NCALD: variants seen among roughly 807,000 people sequenced by gnomAD.
NCALD encodes the protein neurocalcin-delta.
In NCALD, 10 loss-of-function variants were observed where a neutral mutation model predicts 18.6. The observed-to-expected ratio is 0.54, with a 90% CI of 0.33 to 0.91. The LOEUF (loss-of-function observed/expected upper bound fraction) is 0.91, where lower values mean the gene tolerates loss of function less well. NCALD is among the 40% of genes least tolerant of loss of function. The probability of loss-of-function intolerance (pLI) is 0.03; values close to 1 mark genes in which losing one functional copy is unlikely to be tolerated. For synonymous variants in NCALD, 88 were observed against 87.4 expected (o/e 1.01, Z -0.04); for missense variants, 184 against 247.6 (o/e 0.74, Z 1.72).
intron 4 of NCALD, among the ~76,000 whole-genome samples, chr8:101,861,546 T>C (rs1815542455): frequency 2.7e-5 from 4 of 150,876 alleles, no homozygotes; most frequent in Admixed American, 1.3e-4. Context: ...ATATGTGATA[T>C]TAAAAAAAAA....
At chr8:101,694,416 T>C (rs1471444056) in intron 2 of NCALD, 4 of 152,164 alleles carry the variant, frequency 2.6e-5, no homozygotes, top group Non-Finnish European at 5.9e-5. Flanking sequence ...GGGTAAGTAC[T>C]CTAATCTCAG....
intron 4 of NCALD, among the ~76,000 whole-genome samples, chr8:101,807,221 T>G (rs984549790): frequency 5.9e-5 from 9 of 152,140 alleles, no homozygotes; most frequent in African/African-American, 2.2e-4. Flanking sequence ...AAGGTAATTG[T>G]GTAATTATAA....
chr8:101,890,002 G>A (rs192979048), intron 3 of NCALD, among the ~76,000 whole-genome samples: 7 of 152,288 alleles, frequency 4.6e-5, no homozygotes, highest in African/African-American at 1.4e-4. Flanking sequence ...TAAAAGGAAG[G>A]CAAAGTTGAT....
At chr8:101,738,627 C>T (rs888878203) in intron 1 of NCALD, among the ~76,000 whole-genome samples, 8 of 150,588 alleles carry the variant, frequency 5.3e-5, no homozygotes, top group East Asian at 1.9e-4. Context: ...CGCCAAAAAA[C>T]GCTATCTGCG....
intron 1 of NCALD, among the ~76,000 whole-genome samples, chr8:101,763,625 G>T (rs1269102797): frequency 1.3e-5 from 2 of 152,132 alleles, no homozygotes; most frequent in African/African-American, 4.8e-5. Flanking sequence ...TACCATTTGA[G>T]TCAGCAGACT....
intron 1 of NCALD, 73 bp from the exon 2 acceptor site, chr8:101,719,721 G>T: frequency 7.3e-7 from 1 of 1,367,612 alleles, no homozygotes; most frequent in Non-Finnish European, 9.8e-7. Flanking sequence ...ATTTGTAATT[G>T]TTCCTTTGGG....
intron 2 of NCALD, among the ~76,000 whole-genome samples, chr8:101,955,825 A>T (rs1215572366): frequency 6.6e-6 from 1 of 152,222 alleles, no homozygotes; most frequent in Non-Finnish European, 1.5e-5. Context: ...TGTAGCTTAG[A>T]TACTAGTATT....
chr8:102,103,055 C>A (rs1006651453), intron 1 of NCALD, among the ~76,000 whole-genome samples: 1 of 152,140 alleles, frequency 6.6e-6, no homozygotes, highest in Admixed American at 6.6e-5. Context: ...AGATATGCTT[C>A]TCTTGGGTTT....
Position 101,688,882 on chromosome 8 carries a change from A to T in NCALD, c.*427T>A. 3 of 624,444 alleles carry T rather than the reference A, an allele frequency of 4.8e-6. No individual in the cohort carries two copies. The highest frequency in any genetic ancestry group is 3.7e-5 in the South Asian group (2 of 54,070). The allele number at this position is 624,444 out of a possible 1,614,324, so 38.7% of individuals were successfully genotyped here. ...AATCCAGCATCCGGTGCCATCCATC[A>T]CCCCTACGGCACGTGTGACAACAGA... On this transcript the variant is annotated 3_prime_UTR_variant, in exon 4 of 4. Transcript: ENST00000220931.
chr8:101,870,558 T>C (rs1430483036), intron 4 of NCALD, among the ~76,000 whole-genome samples: 2 of 152,206 alleles, frequency 1.3e-5, no homozygotes, highest in Non-Finnish European at 2.9e-5. Flanking sequence ...AAGTGGGCTG[T>C]GAAACACTTT....
At chr8:101,844,482 CCT>C (rs1367272602) in intron 4 of NCALD, among the ~76,000 whole-genome samples, 3 of 152,146 alleles carry the variant, frequency 2.0e-5, no homozygotes, top group African/African-American at 7.2e-5. Flanking sequence ...CTCATTTTCC[CCT>C]GAGTAGCTGA....
chr8:101,843,445 TGCACACACAC>T (rs1256987108), intron 4 of NCALD, among the ~76,000 whole-genome samples: 23 of 151,606 alleles, frequency 1.5e-4, no homozygotes, highest in Admixed American at 1.4e-3. Flanking sequence ...TACATGTGCA[TGCACACACAC>T]ACACACACAC....
At chr8:101,966,563 C>T (rs1054938623) in intron 2 of NCALD, among the ~76,000 whole-genome samples, 3 of 151,778 alleles carry the variant, frequency 2.0e-5, no homozygotes, top group Non-Finnish European at 4.4e-5. Flanking sequence ...AGCACACCAA[C>T]ATGGCACATG....
intron 1 of NCALD, among the ~76,000 whole-genome samples, chr8:102,050,252 G>A (rs1823397695): frequency 6.8e-6 from 1 of 147,198 alleles, no homozygotes; most frequent in South Asian, 2.2e-4. Flanking sequence ...TTGGATATGA[G>A]TCCTTGATCA....
intron 1 of NCALD, among the ~76,000 whole-genome samples, chr8:101,761,390 C>T (rs1302128504): frequency 6.6e-6 from 1 of 152,148 alleles, no homozygotes; most frequent in Non-Finnish European, 1.5e-5. Flanking sequence ...GAATGAAGGG[C>T]GTGTGAGCAT....
At chr8:101,805,872 C>T (rs72676135) in intron 4 of NCALD, among the ~76,000 whole-genome samples, 7 of 152,234 alleles carry the variant, frequency 4.6e-5, no homozygotes, top group South Asian at 4.1e-4. Context: ...AAATATCAAC[C>T]GCCAGAACTT....
chr8:102,043,586 A>G (rs1823129458), intron 1 of NCALD, among the ~76,000 whole-genome samples: 1 of 151,806 alleles, frequency 6.6e-6, no homozygotes, highest in South Asian at 2.1e-4. Flanking sequence ...GACTTGAAGT[A>G]TAAAAGGTAA....
intron 4 of NCALD, among the ~76,000 whole-genome samples, chr8:101,835,436 C>T (rs1394543192): frequency 6.6e-6 from 1 of 152,226 alleles, no homozygotes; most frequent in Admixed American, 6.5e-5. Flanking sequence ...ATGGAGTGGG[C>T]AGAAGCCAGG....
chr8:102,054,481 A>C (rs908643600), intron 1 of NCALD, among the ~76,000 whole-genome samples: 23 of 152,168 alleles, frequency 1.5e-4, no homozygotes, highest in African/African-American at 5.1e-4. Context: ...AATGTGAATG[A>C]GCCTTGTCCA....
Sources: gnomAD v4.1 joint callset for allele counts (sites outside exome capture counted in the v4.1 genomes callset) on GRCh38, gnomAD v4.1.1 for gene constraint, MANE v1.5 for transcripts, NCBI Gene and HGNC (gene_info 2026-07-23, HGNC 2026-07-21) for gene names.